SIAH3: variants seen among roughly 807,000 people sequenced by gnomAD.
SIAH3 encodes siah E3 ubiquitin protein ligase family member 3, also known as seven in absentia homolog 3.
SIAH3 carries 9 observed loss-of-function variants against 12.6 expected under a neutral mutation model. The ratio of observed to expected loss-of-function variants is 0.72; its 90% CI spans 0.43 to 1.25. The LOEUF (loss-of-function observed/expected upper bound fraction) is 1.25. Ranked by LOEUF, SIAH3 falls within the 50% of genes most tolerant of loss-of-function variation. The pLI is 0.00. For missense variants in SIAH3, 390 were observed against 365.4 expected (o/e 1.07, Z -0.55); for synonymous variants, 154 against 151.1 (o/e 1.02, Z -0.14).
In SIAH3 at chr13:45,783,521, G is replaced by A. The variant is rs1950513422; in HGVS notation, c.672C>T (p.Cys224=). ...WEATPRSVLE[C]VDSVITDGDC... ...CCCCGTCCGTAATCACCGAGTCCAC[G>A]CACTCAAGAACAGACCGGGGCGTGG... Residue 224 remains cysteine, a synonymous_variant, in exon 2 of 2, where the codon TGC becomes TGT. Coordinates refer to ENST00000400405, the MANE Select transcript of SIAH3 (RefSeq NM_198849.3). The A allele has an allele frequency of 1.2e-6, 2 of 1,614,228 alleles. No individual in the cohort carries two copies. Among genetic ancestry groups the A allele is most frequent in the Admixed American group, 1.7e-5 (1 of 60,028 alleles).
In SIAH3 at chr13:45,777,788, T is replaced by C. The variant is rs1055603549; in HGVS notation, c.*5595A>G. ...CTTTGGGGTCCCACCCATGATCCCT[T>C]CCCCTTTCCCTTAGAAATGCATCCA... On this transcript the variant is annotated 3_prime_UTR_variant, in exon 2 of 2. Transcript: ENST00000400405. The C allele has an allele frequency of 6.6e-6, 1 of 152,346 alleles. No individual in the cohort carries two copies. Among genetic ancestry groups the C allele is most frequent in the South Asian group, 2.1e-4 (1 of 4,818 alleles). The allele number at this position is 152,346 out of a possible 1,614,324, so 9.4% of individuals were successfully genotyped here. A position where few individuals can be genotyped will look rare whatever the true frequency, so the allele number is the denominator to read the frequency against.
At chr13:45,842,711 G>A (rs1195849616) in intron 1 of SIAH3, among the ~76,000 whole-genome samples, 1 of 152,112 alleles carries the variant, frequency 6.6e-6, no homozygotes, top group East Asian at 1.9e-4. Flanking sequence ...CAGACTCTGG[G>A]AGGCCAAAGA....
chr13:45,799,383 G>A (rs968430659), intron 1 of SIAH3, among the ~76,000 whole-genome samples: 2 of 152,186 alleles, frequency 1.3e-5, no homozygotes, highest in African/African-American at 4.8e-5. Flanking sequence ...GTTAAAATGT[G>A]TTTTAAATGG....
intron 1 of SIAH3, among the ~76,000 whole-genome samples, chr13:45,829,129 T>G (rs1348038979): frequency 6.6e-6 from 1 of 152,252 alleles, no homozygotes; most frequent in Non-Finnish European, 1.5e-5. Context: ...TTACTCACTT[T>G]GCAATGGAGT....
At chr13:45,847,893 C>T (rs1039980429) in intron 1 of SIAH3, among the ~76,000 whole-genome samples, 1 of 152,148 alleles carries the variant, frequency 6.6e-6, no homozygotes, top group Non-Finnish European at 1.5e-5. Flanking sequence ...CCTAGCACTA[C>T]AGAGCCTTCT....
chr13:45,821,771 T>C (rs920096713), intron 1 of SIAH3, among the ~76,000 whole-genome samples: 1 of 152,022 alleles, frequency 6.6e-6, no homozygotes, highest in South Asian at 2.1e-4. Flanking sequence ...TCAATGAGAG[T>C]GGGGCCAAAA....
At chr13:45,805,218 A>T (rs987451494) in intron 1 of SIAH3, among the ~76,000 whole-genome samples, 17 of 152,112 alleles carry the variant, frequency 1.1e-4, no homozygotes, top group Non-Finnish European at 2.1e-4. Context: ...ACAGAATTAG[A>T]AAAAAACTAT....
In SIAH3 at chr13:45,777,780, T is replaced by G. The variant is rs1237069259; in HGVS notation, c.*5603A>C. On this transcript the variant is annotated 3_prime_UTR_variant, in exon 2 of 2. Transcript: ENST00000400405. ...GCCTAACTCTTTGGGGTCCCACCCA[T>G]GATCCCTTCCCCTTTCCCTTAGAAA... 1.3e-5 allele frequency: 2 copies of G among 152,234 alleles called. No individual in the cohort carries two copies. Among genetic ancestry groups the G allele is most frequent in the East Asian group, 1.9e-4 (1 of 5,202 alleles). 9.4% of individuals were successfully genotyped at this position (152,234 alleles called of 1,614,324 possible).
chr13:45,825,063 T>A (rs1333086061), intron 1 of SIAH3, among the ~76,000 whole-genome samples: 2 of 152,124 alleles, frequency 1.3e-5, no homozygotes, highest in African/African-American at 4.8e-5. Flanking sequence ...AATACATATT[T>A]ATCGATTTCC....
At chr13:45,816,244 C>T (rs1437046648) in intron 1 of SIAH3, among the ~76,000 whole-genome samples, 1 of 152,214 alleles carries the variant, frequency 6.6e-6, no homozygotes, top group Non-Finnish European at 1.5e-5. Context: ...TCCAGGAGCC[C>T]TTGCCTCTAT....
At position 45,782,780 on chromosome 13, in the gene SIAH3, C is replaced by T. The variant is rs543666668; in HGVS notation, c.*603G>A. 8.0e-6 allele frequency: 1 copy of T among 124,714 alleles called. No individual in the cohort carries two copies. The highest frequency in any genetic ancestry group is 3.1e-5 in the African/African-American group (1 of 32,442). 7.7% of individuals were successfully genotyped at this position (124,714 alleles called of 1,614,324 possible). ...AACCTGAGCACTCAGCACACAATGA[C>T]ACCTCTAGCCCAGTCCCCAGCCCTG... On this transcript the variant is annotated 3_prime_UTR_variant, in exon 2 of 2. Coordinates refer to ENST00000400405, the MANE Select transcript of SIAH3 (RefSeq NM_198849.3).
intron 1 of SIAH3, among the ~76,000 whole-genome samples, chr13:45,826,401 A>ATGGGTGAGTGGCTGGGTGGG (rs752565228): frequency 1.7e-5 from 1 of 58,972 alleles, no homozygotes; most frequent in Admixed American, 2.6e-4. Context: ...GGATGGATGG[A>ATGGGTGAGTGGCTGGGTGGG]TGGATGGATG....
intron 1 of SIAH3, among the ~76,000 whole-genome samples, chr13:45,843,034 C>CTCTCTCTGTGTGTGTGTGTGTGTGTG (rs560128772): frequency 7.2e-6 from 1 of 139,188 alleles, no homozygotes; most frequent in South Asian, 2.6e-4. Flanking sequence ...CTCTCTCTCT[C>CTCTCTCTGTGTGTGTGTGTGTGTGTG]TGTGTGTGTG....
chr13:45,843,250 G>A (rs983818451), intron 1 of SIAH3, among the ~76,000 whole-genome samples: 3 of 152,036 alleles, frequency 2.0e-5, no homozygotes, highest in African/African-American at 7.2e-5. Flanking sequence ...TCCTCAAGGT[G>A]CAACGAACTG....
chr13:45,796,301 T>C (rs189356349), intron 1 of SIAH3, among the ~76,000 whole-genome samples: 133 of 152,292 alleles, frequency 8.7e-4, no homozygotes, highest in African/African-American at 3.1e-3. Flanking sequence ...GTGGCCATTG[T>C]CTTCAGGTCA....
At chr13:45,844,399 C>A (rs958337992) in intron 1 of SIAH3, among the ~76,000 whole-genome samples, 4 of 152,242 alleles carry the variant, frequency 2.6e-5, no homozygotes, top group Non-Finnish European at 5.9e-5. Context: ...GGACAGATCT[C>A]TTCTGCTGCC....
rs954433888 is a variant in SIAH3 at position 45,803,870 on chromosome 13, G to T, written c.136-19813C>A. On this transcript the variant is annotated intron_variant, in intron 1 of 1. Coordinates refer to ENST00000400405, the MANE Select transcript of SIAH3 (RefSeq NM_198849.3). ...GGATTTTAAGGGGGATATGGACAAG[G>T]ATGACATAAGAAAACTCCTAATAAA... Among the ~76,000 whole-genome samples the T allele has an allele frequency of 6.6e-5, 10 of 152,204 alleles. No individual in the cohort carries two copies. The South Asian group carries it at 2.1e-3, about 32-fold the overall frequency.
chr13:45,828,637 G>C (rs1476707760), intron 1 of SIAH3, among the ~76,000 whole-genome samples: 1 of 152,192 alleles, frequency 6.6e-6, no homozygotes, highest in Non-Finnish European at 1.5e-5. Flanking sequence ...TTAGATTAGA[G>C]CCAGGACATT....
intron 1 of SIAH3, among the ~76,000 whole-genome samples, chr13:45,792,549 G>A (rs895433686): frequency 1.3e-5 from 2 of 152,024 alleles, no homozygotes; most frequent in African/African-American, 4.8e-5. Flanking sequence ...GTAGAGACGG[G>A]ATTTCACCAT....
Sources: gnomAD v4.1 joint callset for allele counts (sites outside exome capture counted in the v4.1 genomes callset) on GRCh38, gnomAD v4.1.1 for gene constraint, MANE v1.5 for transcripts, NCBI Gene and HGNC (gene_info 2026-07-23, HGNC 2026-07-21) for gene names.